The following SPIRE1 variants were observed in gnomAD, a reference collection of about 807,000 sequenced individuals.
SPIRE1 encodes spire type actin nucleation factor 1, also known as protein spire homolog 1.
A neutral mutation model predicts 94.1 loss-of-function variants in SPIRE1; 40 were observed. The observed-to-expected ratio is 0.43, with a 90% CI of 0.33 to 0.55. The LOEUF (loss-of-function observed/expected upper bound fraction) is 0.55. Among genes scored for constraint, SPIRE1 ranks in the 20% least tolerant of loss-of-function variants. The pLI is 0.06. For synonymous variants in SPIRE1, 376 were observed against 371.7 expected, an observed-to-expected ratio of 1.01 and a Z score of -0.13; for missense variants, 838 against 975.2, an observed-to-expected ratio of 0.86 and a Z score of 1.87.
At chr18:12,660,304 C>G (rs1434050484), upstream of SPIRE1, among the ~76,000 whole-genome samples, 1 of 147,004 alleles carries the variant, frequency 6.8e-6, no homozygotes, top group Non-Finnish European at 1.5e-5. Context: ...TCCCTCTAAT[C>G]AATGGAAAAA....
intron 2 of SPIRE1, among the ~76,000 whole-genome samples, chr18:12,590,489 T>C (rs1424708889): frequency 6.6e-6 from 1 of 152,060 alleles, no homozygotes; most frequent in Non-Finnish European, 1.5e-5. Flanking sequence ...TTTTCGGGCC[T>C]AAAGAAGAAA....
At chr18:12,592,835 T>C (rs974155022) in intron 2 of SPIRE1, among the ~76,000 whole-genome samples, 3 of 152,218 alleles carry the variant, frequency 2.0e-5, no homozygotes, top group Admixed American at 6.5e-5. Context: ...ATAATTAACT[T>C]CTATCTCCTA....
intron 2 of SPIRE1, among the ~76,000 whole-genome samples, chr18:12,616,390 C>G (rs1345229864): frequency 6.6e-6 from 1 of 152,070 alleles, no homozygotes; most frequent in Non-Finnish European, 1.5e-5. Flanking sequence ...AAGCAAAGGA[C>G]AGAGAGAAGG....
At chr18:12,453,238 G>T (rs889463999) in intron 13 of SPIRE1, 100 bp from the exon 14 acceptor site, 5 of 707,188 alleles carry the variant, frequency 7.1e-6, no homozygotes, top group African/African-American at 3.6e-5. Context: ...AGGGGAAGCT[G>T]AACAGACAAG....
At position 12,449,295 on chromosome 18, in the gene SPIRE1, GAGA is replaced by G. The variant is rs1197901826; in HGVS notation, c.*340_*342del. ...ATCTCTGTTAGACTGATTCTCGTAG[GAGA>G]AGCTTTTTTTTTTTGCCTTAGTCAG... On this transcript the variant is annotated 3_prime_UTR_variant, in exon 17 of 17. Coordinates refer to ENST00000409402, the MANE Select transcript of SPIRE1 (RefSeq NM_001128626.2). 1.4e-5 allele frequency: 4 copies of G among 285,022 alleles called. No homozygotes were observed. The highest frequency in any genetic ancestry group is 4.9e-5 in the Admixed American group (1 of 20,358). The allele number at this position is 285,022 out of a possible 1,614,324, so 17.7% of individuals were successfully genotyped here.
At chr18:12,512,246 C>T (rs931465393) in intron 5 of SPIRE1, among the ~76,000 whole-genome samples, 2 of 152,050 alleles carry the variant, frequency 1.3e-5, no homozygotes, top group Admixed American at 1.3e-4. Context: ...TGCTTGTAGT[C>T]CTGGCTACTT....
chr18:12,505,561 A>AAC (rs1555616796), intron 6 of SPIRE1, among the ~76,000 whole-genome samples: 3 of 151,768 alleles, frequency 2.0e-5, no homozygotes, highest in South Asian at 2.1e-4. Flanking sequence ...TCAAAAAAAA[A>AAC]AAAAAACAAA....
chr18:12,600,157 G>A (rs2036793019), intron 2 of SPIRE1, among the ~76,000 whole-genome samples: 1 of 150,718 alleles, frequency 6.6e-6, no homozygotes, highest in Non-Finnish European at 1.5e-5. Flanking sequence ...GGAGCTGAAT[G>A]TGGCCACAAG....
intron 10 of SPIRE1, among the ~76,000 whole-genome samples, chr18:12,479,176 C>CTTT (rs35129611): frequency 7.3e-5 from 9 of 122,838 alleles, no homozygotes; most frequent in African/African-American, 2.2e-4. Flanking sequence ...TTTTCTTTTT[C>CTTT]TTTTTTTTTT....
Position 12,657,962 on chromosome 18 carries a change from C to G in SPIRE1, c.-96G>C. ...TCGCGCGCCGCCGCCTCACCATCCC[C>G]GGAACCGCCGCCGCCCAACGCGGCC... On this transcript the variant is annotated 5_prime_UTR_variant, in exon 1 of 17. Transcript: ENST00000409402. 1 of 1,000,062 alleles carries G rather than the reference C, an allele frequency of 1.0e-6. No homozygotes were observed. Among genetic ancestry groups the G allele is most frequent in the African/African-American group, 1.7e-5 (1 of 57,202 alleles). The allele number at this position is 1,000,062 out of a possible 1,614,324, so 61.9% of individuals were successfully genotyped here.
intron 2 of SPIRE1, among the ~76,000 whole-genome samples, chr18:12,573,420 C>G (rs923008456): frequency 2.6e-5 from 4 of 152,142 alleles, no homozygotes; most frequent in African/African-American, 9.7e-5. Context: ...CAGTTTCTTA[C>G]AAAACTAAAC....
intron 2 of SPIRE1, among the ~76,000 whole-genome samples, chr18:12,623,928 T>C (rs1234749367): frequency 1.6e-5 from 2 of 127,946 alleles, no homozygotes; most frequent in East Asian, 4.8e-4. Context: ...GCACTCGGCC[T>C]TTTTTTTTTT....
intron 1 of SPIRE1, among the ~76,000 whole-genome samples, chr18:12,639,784 G>A (rs2038034233): frequency 1.3e-5 from 2 of 151,406 alleles, no homozygotes; most frequent in South Asian, 4.2e-4. Flanking sequence ...TGAGGTGGGA[G>A]AATGGCTTAA....
rs145205597 is a variant in SPIRE1, at chr18:12,595,318, TAAC to T, written c.372+39741_372+39743del. ...CAGACCCTGTCAATAATAATAATAATAACAATAATACAGGATATAACACATATA... is the reference window on the plus strand; with the variant it reads ...CAGACCCTGTCAATAATAATAATAATAATAATACAGGATATAACACATATA... On this transcript the variant is annotated intron_variant, in intron 2 of 16. Transcript: ENST00000409402. 9.1e-3 allele frequency among the ~76,000 whole-genome samples: 1,390 copies of T among 152,160 alleles called. 27 individuals carry two copies. The highest frequency in any genetic ancestry group is 0.032 in the African/African-American group (1,342 of 41,500).
chr18:12,534,335 C>T (rs945285530), intron 4 of SPIRE1, among the ~76,000 whole-genome samples: 1 of 152,170 alleles, frequency 6.6e-6, no homozygotes, highest in African/African-American at 2.4e-5. Context: ...AAGTTTTAGC[C>T]TAGTGCTTCT....
intron 2 of SPIRE1, among the ~76,000 whole-genome samples, chr18:12,558,356 G>A (rs1206447781): frequency 1.3e-5 from 2 of 152,192 alleles, no homozygotes; most frequent in Non-Finnish European, 2.9e-5. Context: ...GAGTGAAGCT[G>A]CAGACTTTCG....
chr18:12,530,561 G>A (rs569018160), intron 4 of SPIRE1, among the ~76,000 whole-genome samples: 42 of 152,110 alleles, frequency 2.8e-4, no homozygotes, highest in African/African-American at 9.6e-4. Context: ...AAAACACCTG[G>A]TCTCGGCCTC....
At chr18:12,479,674 C>A (rs2032766455) in intron 10 of SPIRE1, 25 bp downstream of exon 10, 4 of 1,574,168 alleles carry the variant, frequency 2.5e-6, no homozygotes, top group South Asian at 1.2e-5. Flanking sequence ...TCTTGGGAGT[C>A]AAGCTGGGTG....
In SPIRE1 at chr18:12,545,204, TAAATA is replaced by T. The variant is rs1409877301; in HGVS notation, c.603+1465_603+1469del. On this transcript the variant is annotated intron_variant, in intron 3 of 16. Transcript: ENST00000409402. ...ACCTTAACATCTAGAAAACATAACA[TAAATA>T]AAACACATCAAATTTCTATTTGTTT... Among the ~76,000 whole-genome samples, 12 of 152,340 alleles carry T rather than the reference TAAATA, an allele frequency of 7.9e-5. No homozygotes were observed. The South Asian group carries it at 8.3e-4, about 11-fold the overall frequency.
Sources: allele counts gnomAD v4.1 joint callset (sites outside exome capture counted in the v4.1 genomes callset), GRCh38; gene constraint gnomAD v4.1.1; transcripts MANE v1.5; gene names NCBI Gene and HGNC (gene_info 2026-07-23, HGNC 2026-07-21).